PRH1: variants seen among roughly 807,000 people sequenced by gnomAD.
PRH1 encodes the protein proline rich protein HaeIII subfamily 1.
In PRH1, 7 loss-of-function variants were observed where a neutral mutation model predicts 7.9. The observed-to-expected ratio is 0.89, with a 90% confidence interval of 0.50 to 1.67. The LOEUF is 1.67. Among genes scored for constraint, PRH1 ranks in the 40% most tolerant of loss-of-function variants. The pLI is 0.00. For missense variants in PRH1, 109 were observed against 223.6 expected (o/e 0.49, Z 3.27); for synonymous variants, 45 against 80.8 (o/e 0.56, Z 2.38).
At chr12:11,040,141 T>C (rs959967282) in intron 1 of PRH1, among the ~76,000 whole-genome samples, 3 of 152,372 alleles carry the variant, frequency 2.0e-5, no homozygotes, top group Non-Finnish European at 4.4e-5. Flanking sequence ...GTTCTTTGTA[T>C]ATGAATATTT....
At chr12:11,127,693 T>G (rs1392997243) in intron 1 of PRH1, among the ~76,000 whole-genome samples, 1 of 152,280 alleles carries the variant, frequency 6.6e-6, no homozygotes, top group African/African-American at 2.4e-5. Flanking sequence ...GAAAATTAAT[T>G]TTCTTACTCG....
intron 2 of PRH1, among the ~76,000 whole-genome samples, chr12:10,968,756 G>A (rs1018947414): frequency 1.3e-5 from 2 of 152,232 alleles, no homozygotes; most frequent in Non-Finnish European, 2.9e-5. Context: ...AGGTGAACAG[G>A]TGCAGGAGCA....
chr12:10,904,639 C>T (rs889901503), intron 2 of PRH1, among the ~76,000 whole-genome samples: 3 of 152,032 alleles, frequency 2.0e-5, no homozygotes, highest in Non-Finnish European at 2.9e-5. Context: ...ATGACTAAGT[C>T]CCCAAAAGCA....
intron 1 of PRH1, among the ~76,000 whole-genome samples, chr12:11,039,651 A>G (rs1942619512): frequency 6.6e-6 from 1 of 152,350 alleles, no homozygotes; most frequent in East Asian, 1.9e-4. Flanking sequence ...ACCAAAGTAG[A>G]TTTATATTTT....
chr12:11,006,370 T>A (rs1027196501), intron 1 of PRH1: 1 of 140,610 alleles, frequency 7.1e-6, no homozygotes, highest in African/African-American at 2.5e-5. Flanking sequence ...TTTCTCCTTT[T>A]CTTTTTTTTT....
At chr12:10,883,033 A>G in intron 2 of PRH1, 28 bp downstream of exon 2, 2 of 1,604,564 alleles carry the variant, frequency 1.2e-6, no homozygotes, top group African/African-American at 1.3e-5. Flanking sequence ...ATGGAGACAG[A>G]GTTTACTGAG....
chr12:11,150,809 TTAAAGTA>T (rs1171430819), intron 1 of PRH1, among the ~76,000 whole-genome samples: 1 of 152,208 alleles, frequency 6.6e-6, no homozygotes, highest in African/African-American at 2.4e-5. Flanking sequence ...ACCCTAAAAC[TTAAAGTA>T]TAATAATAAT....
chr12:11,101,777 T>C (rs2136284113), intron 1 of PRH1, among the ~76,000 whole-genome samples: 1 of 152,350 alleles, frequency 6.6e-6, no homozygotes, highest in South Asian at 2.1e-4. Context: ...GAATTTGCCA[T>C]TGTATATTTA....
chr12:11,142,644 C>T (rs574014200), intron 1 of PRH1, among the ~76,000 whole-genome samples: 2 of 152,160 alleles, frequency 1.3e-5, no homozygotes, highest in South Asian at 4.1e-4. Flanking sequence ...AGAAGACTAC[C>T]TCAAGGAATT....
chr12:11,133,786 TAC>T, intron 1 of PRH1: 2 of 1,614,208 alleles, frequency 1.2e-6, no homozygotes, highest in Admixed American at 3.3e-5. Context: ...CTTTTGTCCA[TAC>T]AGTCTCATCC....
At chr12:10,990,182 A>C (rs1339952129) in intron 1 of PRH1, among the ~76,000 whole-genome samples, 1 of 152,202 alleles carries the variant, frequency 6.6e-6, no homozygotes, top group Non-Finnish European at 1.5e-5. Context: ...CCTATAGAGA[A>C]CTCATGACAA....
At chr12:11,151,702 A>G (rs1233039362) in intron 1 of PRH1, among the ~76,000 whole-genome samples, 1 of 152,220 alleles carries the variant, frequency 6.6e-6, no homozygotes, top group East Asian at 1.9e-4. Flanking sequence ...CATTTGTTAC[A>G]AGATTGCCTG....
chr12:10,917,316 G>A (rs928926011), intron 2 of PRH1, among the ~76,000 whole-genome samples: 1 of 141,554 alleles, frequency 7.1e-6, no homozygotes, highest in Non-Finnish European at 1.6e-5. Context: ...TTCAACTAAG[G>A]GATTAATACA....
At chr12:10,996,962 TTC>T (rs759896650) in intron 1 of PRH1, 1 of 1,612,216 alleles carries the variant, frequency 6.2e-7, no homozygotes, top group Non-Finnish European at 8.5e-7. Context: ...AGTTGACTGG[TTC>T]TGTCCTTTTG....
chr12:11,127,933 C>T (rs1393513920), intron 1 of PRH1, among the ~76,000 whole-genome samples: 10 of 151,742 alleles, frequency 6.6e-5, no homozygotes, highest in African/African-American at 2.2e-4. Context: ...GGTGAAACCT[C>T]GTCTCTACTA....
intron 1 of PRH1, among the ~76,000 whole-genome samples, chr12:11,162,754 T>A (rs1947452321): frequency 2.0e-5 from 3 of 152,130 alleles, no homozygotes; most frequent in African/African-American, 7.2e-5. Context: ...AAGTGATGTG[T>A]GAAAACTCTA....
At chr12:11,075,322 A>C (rs1944248459) in intron 1 of PRH1, among the ~76,000 whole-genome samples, 1 of 139,326 alleles carries the variant, frequency 7.2e-6, no homozygotes, top group South Asian at 2.1e-4. Flanking sequence ...TATATCATTC[A>C]CAGTAGAAAG....
chr12:11,057,774 C>T (rs1345337367), intron 1 of PRH1, among the ~76,000 whole-genome samples: 3 of 152,198 alleles, frequency 2.0e-5, no homozygotes, highest in Admixed American at 2.0e-4. Context: ...GCACTTTTTA[C>T]GGGGCTCGTC....
At chr12:10,963,791 T>C (rs1938370440) in intron 2 of PRH1, among the ~76,000 whole-genome samples, 1 of 152,254 alleles carries the variant, frequency 6.6e-6, no homozygotes, top group Non-Finnish European at 1.5e-5. Flanking sequence ...ATATACAAAA[T>C]GTATTCCAAA....
Sources: gnomAD v4.1 joint callset for allele counts (sites outside exome capture counted in the v4.1 genomes callset) on GRCh38, gnomAD v4.1.1 for gene constraint, MANE v1.5 for transcripts, NCBI Gene and HGNC (gene_info 2026-07-23, HGNC 2026-07-21) for gene names.